The following G3BP1 variants were observed in gnomAD, a reference collection of about 807,000 sequenced individuals.
The protein encoded by G3BP1 is G3BP stress granule assembly factor 1.
Under a neutral mutation model 58.6 loss-of-function variants are expected in G3BP1, and 35 were observed. The observed-to-expected ratio is 0.60, with a 90% CI of 0.46 to 0.79. The LOEUF (loss-of-function observed/expected upper bound fraction) is 0.79, where lower values mean the gene tolerates loss of function less well. G3BP1 is among the 30% of genes least tolerant of loss of function. G3BP1 has a pLI of 0.00. For missense variants in G3BP1, 523 were observed against 580.8 expected (o/e 0.90, Z 1.02); for synonymous variants, 191 against 195.4 (o/e 0.98, Z 0.19).
intron 11 of G3BP1, among the ~76,000 whole-genome samples, chr5:151,803,274 A>G (rs1250729821): frequency 6.6e-6 from 1 of 152,212 alleles, no homozygotes; most frequent in Non-Finnish European, 1.5e-5. Flanking sequence ...CTCCAAATCT[A>G]TGGAGAAGGT....
In G3BP1 at chr5:151,797,413, A is replaced by G; in HGVS notation, c.726A>G (p.Val242=). 6.2e-7 allele frequency: 1 copy of G among 1,610,284 alleles called. No individual in the cohort carries two copies. The highest frequency in any genetic ancestry group is 8.5e-7 in the Non-Finnish European group (1 of 1,176,868). Residue 242 remains valine, a synonymous_variant, in exon 7 of 12, where the codon GTA becomes GTG. Transcript: ENST00000356245. ...SPAPADIAQT[V]QEDLRTFSWA... is the part of the protein sequence containing the mutation. ...CACCTGCAGACATAGCTCAGACAGT[A>G]CAGGAAGACTTGAGGGTATGAAACG...
chr5:151,790,434 T>G, intron 3 of G3BP1, 30 bp downstream of exon 3: 2 of 1,239,190 alleles, frequency 1.6e-6, no homozygotes, highest in Middle Eastern at 2.0e-4. Flanking sequence ...TTTAGGCTGT[T>G]AAGCAGGTAG....
rs868713127 is a variant in G3BP1 at position 151,804,220 on chromosome 5, T to C, written c.*129T>C. The C allele has an allele frequency of 3.4e-6, 2 of 585,648 alleles. No homozygotes were observed. Among genetic ancestry groups the C allele is most frequent in the Admixed American group, 3.7e-5 (1 of 27,286 alleles). The allele number at this position is 585,648 out of a possible 1,614,324, so 36.3% of individuals were successfully genotyped here. On this transcript the variant is annotated 3_prime_UTR_variant, in exon 12 of 12. Coordinates refer to ENST00000356245, the MANE Select transcript of G3BP1 (RefSeq NM_005754.3). ...ACTGCTTAAGTTTGTATAATTTTAC[T>C]TTTTTTGTGTGTTAATGGTGTGTGC...
chr5:151,779,104 C>A (rs1167871444), intron 1 of G3BP1, among the ~76,000 whole-genome samples: 1 of 151,894 alleles, frequency 6.6e-6, no homozygotes, highest in Non-Finnish European at 1.5e-5. Context: ...AATATTTACT[C>A]CTAATCTGTG....
rs1041979135 is a variant in G3BP1 at position 151,808,228 on chromosome 5, A to G, written c.*4137A>G. The G allele has an allele frequency of 1.3e-5, 2 of 152,212 alleles. No homozygotes were observed. The highest frequency in any genetic ancestry group is 2.9e-5 in the Non-Finnish European group (2 of 68,026). The allele number at this position is 152,212 out of a possible 1,614,324, so 9.4% of individuals were successfully genotyped here. ...ACCATAGGTGGGCCTGTCAACTCTT[A>G]ACAGACTATAGTAAAGGAGAGATGG... On this transcript the variant is annotated 3_prime_UTR_variant, in exon 12 of 12. Coordinates refer to ENST00000356245, the MANE Select transcript of G3BP1 (RefSeq NM_005754.3).
rs559735681 is a variant in G3BP1, at chr5:151,809,795, A to G, written c.*5704A>G. ...AAAAAGGGAAGGTATCACTTTTTGT[A>G]TGTTCACCCAGTTGCTTCTGTAGTT... On this transcript the variant is annotated 3_prime_UTR_variant, in exon 12 of 12. Transcript: ENST00000356245. 1 of 152,308 alleles carries G rather than the reference A, an allele frequency of 6.6e-6. No homozygotes were observed. Among genetic ancestry groups the G allele is most frequent in the Non-Finnish European group, 1.5e-5 (1 of 68,012 alleles). 9.4% of individuals were successfully genotyped at this position (152,308 alleles called of 1,614,324 possible).
chr5:151,780,823 T>G (rs1762457654), intron 1 of G3BP1, among the ~76,000 whole-genome samples: 1 of 152,214 alleles, frequency 6.6e-6, no homozygotes, highest in Non-Finnish European at 1.5e-5. Context: ...ATAATGCTCA[T>G]AGTTCTTTAG....
intron 2 of G3BP1, among the ~76,000 whole-genome samples, chr5:151,788,224 T>C (rs1213028107): frequency 2.0e-5 from 3 of 152,018 alleles, no homozygotes; most frequent in Non-Finnish European, 4.4e-5. Flanking sequence ...GGCTTTAAAA[T>C]TTCCAGAACA....
rs1762829981 is a variant in G3BP1 at position 151,800,365 on chromosome 5, A to G, written c.1084+19A>G. The G allele has an allele frequency of 6.3e-7, 1 of 1,598,162 alleles. No homozygotes were observed. The highest frequency in any genetic ancestry group is 1.3e-5 in the African/African-American group (1 of 74,594). On this transcript the variant is annotated intron_variant, in intron 10 of 11. Coordinates refer to ENST00000356245, the MANE Select transcript of G3BP1 (RefSeq NM_005754.3). ...TTTCAAAGTAGGTTATTGAGTTTTG[A>G]ACACTAAATTCATCTAGTGTCTCTC...
chr5:151,790,893 T>A lies in G3BP1; in HGVS notation c.182T>A (p.Ile61Asn). 6.4e-7 allele frequency: 1 copy of A among 1,559,534 alleles called. No homozygotes were observed. Among genetic ancestry groups the A allele is most frequent in the Non-Finnish European group, 8.8e-7 (1 of 1,136,822 alleles). The change falls in exon 4 of 12, where the codon ATC becomes AAC. Residue 61 changes from isoleucine to asparagine, a missense_variant. This residue lies in a region of G3BP1 where 398 missense variants were observed against 399.1 expected (regional missense o/e 1.00). Coordinates refer to ENST00000356245, the MANE Select transcript of G3BP1 (RefSeq NM_005754.3). Reference sequence around the variant, plus strand: ...TATTATTATTATTTTTTTAAGGAAATCCACAGGAAAGTGATGTCACAAAAC... The same window carrying A: ...TATTATTATTATTTTTTTAAGGAAAACCACAGGAAAGTGATGTCACAAAAC... The part of the protein sequence containing the change: ...PADAVYGQKE[I>N]HRKVMSQNFT...
intron 1 of G3BP1, among the ~76,000 whole-genome samples, chr5:151,784,253 C>T (rs1404245948): frequency 6.6e-6 from 1 of 152,130 alleles, no homozygotes; most frequent in East Asian, 1.9e-4. Context: ...TGTGCCACTA[C>T]ACTTAGCTAA....
chr5:151,789,682 C>G (rs1264864925), intron 2 of G3BP1, among the ~76,000 whole-genome samples: 1 of 152,166 alleles, frequency 6.6e-6, no homozygotes, highest in Non-Finnish European at 1.5e-5. Flanking sequence ...GCTGTTCCAG[C>G]CTTACCGCAC....
In G3BP1 at chr5:151,810,854, A is replaced by C. The variant is rs1444235327; in HGVS notation, c.*6763A>C. The C allele has an allele frequency of 6.7e-6, 1 of 149,156 alleles. No individual in the cohort carries two copies. The highest frequency in any genetic ancestry group is 2.0e-4 in the East Asian group (1 of 5,086). The allele number at this position is 149,156 out of a possible 1,614,324, so 9.2% of individuals were successfully genotyped here. On this transcript the variant is annotated 3_prime_UTR_variant, in exon 12 of 12. Coordinates refer to ENST00000356245, the MANE Select transcript of G3BP1 (RefSeq NM_005754.3). The stretch of plus-strand genomic sequence containing the variant: ...TTGGGGGGATGGATATATAAGGGGG[A>C]GGAAGTCACTGGCCAGTTTGAGGTG...
chr5:151,783,794 G>A (rs1412425688), intron 1 of G3BP1, among the ~76,000 whole-genome samples: 2 of 151,938 alleles, frequency 1.3e-5, no homozygotes, highest in South Asian at 2.1e-4. Flanking sequence ...ATGGAGTCAC[G>A]CTCTGTCGCC....
Position 151,800,638 on chromosome 5 carries a change from A to G in G3BP1, c.1085-122A>G, listed in dbSNP as rs570042843. 80 of 691,380 alleles carry G rather than the reference A, an allele frequency of 1.2e-4. No homozygotes were observed. The African/African-American group carries it at 1.3e-3, about 11-fold the overall frequency. The allele number at this position is 691,380 out of a possible 1,614,324, so 42.8% of individuals were successfully genotyped here. On this transcript the variant is annotated intron_variant, in intron 10 of 11. Transcript: ENST00000356245. ...AGGCACATCTCAATTCAGACTAGCT[A>G]TATTTATAATTCAAGTGCTCAGTAG...
rs1294076191 is a variant in G3BP1, at chr5:151,800,203, T to C, written c.956-15T>C. On this transcript the variant is annotated splice_polypyrimidine_tract_variant and intron_variant, in intron 9 of 11. Coordinates refer to ENST00000356245, the MANE Select transcript of G3BP1 (RefSeq NM_005754.3). The stretch of plus-strand genomic sequence containing the variant: ...TTTCTCTTGTCTTTCATTGATGTTT[T>C]TGTCTCCTTTTAAGTCCGTGAGGCT... 6.2e-7 allele frequency: 1 copy of C among 1,610,214 alleles called. No individual in the cohort carries two copies. Among genetic ancestry groups the C allele is most frequent in the Non-Finnish European group, 8.5e-7 (1 of 1,178,954 alleles).
At position 151,799,892 on chromosome 5, in the gene G3BP1, C is replaced by T. The variant is rs896356394; in HGVS notation, c.847C>T (p.Arg283Cys). 1.3e-5 allele frequency: 20 copies of T among 1,595,058 alleles called. No homozygotes were observed. The highest frequency in any genetic ancestry group is 2.2e-5 in the South Asian group (2 of 89,776). The change falls in exon 9 of 12, where the codon CGT (arginine) becomes TGT (cysteine). Residue 283 changes from arginine to cysteine, a missense_variant. Physicochemically the swap from Arg to Cys is radical, Grantham distance 180 (BLOSUM62 -3). Transcript: ENST00000356245. The part of the protein sequence containing the change: ...HVVKVPASQP[R>C]PESKPESQIP... The stretch of plus-strand genomic sequence containing the variant: ...AAGTTAACTTAAAATTTTTCAGCCC[C>T]GTCCAGAGTCTAAGCCTGAATCTCA...
intron 2 of G3BP1, among the ~76,000 whole-genome samples, chr5:151,788,966 G>A (rs757086997): frequency 6.6e-6 from 1 of 151,992 alleles, no homozygotes; most frequent in Non-Finnish European, 1.5e-5. Flanking sequence ...TGGTGGAGAC[G>A]GTTTCCCTGT....
chr5:151,800,093 A>C (rs1762826088), intron 9 of G3BP1, 93 bp downstream of exon 9: 2 of 1,172,512 alleles, frequency 1.7e-6, no homozygotes, highest in South Asian at 2.8e-5. Context: ...CTTTAAAATA[A>C]AAATATTGTA....
Sources: allele counts gnomAD v4.1 joint callset (sites outside exome capture counted in the v4.1 genomes callset), GRCh38; gene constraint gnomAD v4.1.1; regional missense constraint gnomAD v4.1.1; transcripts MANE v1.5; gene names NCBI Gene and HGNC (gene_info 2026-07-23, HGNC 2026-07-21).